The following EGLN1 variants were observed in gnomAD, a reference collection of about 807,000 sequenced individuals.
The protein encoded by EGLN1 is egl nine homolog 1.
Under a neutral mutation model 38.3 loss-of-function variants are expected in EGLN1, and 17 were observed. That is an observed-to-expected ratio of 0.44 (90% CI 0.30 to 0.67). The LOEUF is 0.67. EGLN1 is among the 30% of genes least tolerant of loss of function. The probability of loss-of-function intolerance (pLI) is 0.08; values close to 1 mark genes in which losing one functional copy is unlikely to be tolerated. For missense variants in EGLN1, 477 were observed against 603.3 expected, an observed-to-expected ratio of 0.79 and a Z score of 2.19; for synonymous variants, 283 against 257.5, an observed-to-expected ratio of 1.10 and a Z score of -0.95.
chr1:231,366,841 T>A (rs966932143), intron 4 of EGLN1, among the ~76,000 whole-genome samples: 1 of 152,236 alleles, frequency 6.6e-6, no homozygotes, highest in African/African-American at 2.4e-5. Flanking sequence ...CATTTTTATG[T>A]AAGGTCGACG....
In EGLN1 at chr1:231,392,807, C is replaced by G. The variant is rs534365652; in HGVS notation, c.892-18708G>C. On this transcript the variant is annotated intron_variant, in intron 1 of 4. Coordinates refer to ENST00000366641, the MANE Select transcript of EGLN1 (RefSeq NM_022051.3). ...AGCAGTCACAGGTGAGATTTTTCAT[C>G]CCTGTCCACGTGTGGACAAGCAGCT... 5.9e-5 allele frequency among the ~76,000 whole-genome samples: 9 copies of G among 152,320 alleles called. No homozygotes were observed. In the South Asian group the frequency reaches 1.9e-3, roughly 32 times the overall value.
chr1:231,401,090 A>G (rs763478213), intron 1 of EGLN1, among the ~76,000 whole-genome samples: 3 of 152,116 alleles, frequency 2.0e-5, no homozygotes, highest in Non-Finnish European at 4.4e-5. Flanking sequence ...TCTGTAATGC[A>G]TACAGTGAGA....
At chr1:231,419,182 CCTG>C (rs1228965733) in intron 1 of EGLN1, among the ~76,000 whole-genome samples, 1 of 152,136 alleles carries the variant, frequency 6.6e-6, no homozygotes, top group Non-Finnish European at 1.5e-5. Context: ...TCCCTTATTA[CCTG>C]CTAATATGTA....
chr1:231,415,856 T>TC (rs1028493705), intron 1 of EGLN1, among the ~76,000 whole-genome samples: 11 of 151,800 alleles, frequency 7.2e-5, no homozygotes, highest in Non-Finnish European at 1.2e-4. Context: ...TCTTTCTTTT[T>TC]TTTTTTTTTG....
intron 1 of EGLN1, among the ~76,000 whole-genome samples, chr1:231,382,125 A>G (rs987014283): frequency 1.3e-5 from 2 of 152,248 alleles, no homozygotes; most frequent in Non-Finnish European, 2.9e-5. Context: ...GCTGCTTGAC[A>G]TTACAAACAT....
chr1:231,370,477 CATT>C, intron 3 of EGLN1, 82 bp downstream of exon 3: 1 of 1,428,010 alleles, frequency 7.0e-7, no homozygotes, highest in Non-Finnish European at 9.9e-7. Flanking sequence ...GGAAAATACT[CATT>C]AGAAAGCTTT....
At chr1:231,404,273 C>T (rs1369569711) in intron 1 of EGLN1, among the ~76,000 whole-genome samples, 1 of 152,052 alleles carries the variant, frequency 6.6e-6, no homozygotes, top group Non-Finnish European at 1.5e-5. Flanking sequence ...CAAAGTAATT[C>T]TACATATTTT....
intron 1 of EGLN1, among the ~76,000 whole-genome samples, chr1:231,391,780 C>T (rs181909267): frequency 4.0e-4 from 60 of 151,726 alleles, no homozygotes; most frequent in East Asian, 5.8e-4. Flanking sequence ...TATAAAAAAG[C>T]GTTTATAGAA....
At chr1:231,408,798 T>C (rs1423081092) in intron 1 of EGLN1, among the ~76,000 whole-genome samples, 2 of 152,084 alleles carry the variant, frequency 1.3e-5, no homozygotes, top group Non-Finnish European at 2.9e-5. Flanking sequence ...GACAAAGTTG[T>C]AGCTCTGCTT....
chr1:231,397,794 C>T (rs73119697), intron 1 of EGLN1, among the ~76,000 whole-genome samples: 2 of 152,160 alleles, frequency 1.3e-5, no homozygotes, highest in African/African-American at 4.8e-5. Context: ...AAAGCTGATA[C>T]AGAATGCACC....
chr1:231,395,494 A>G (rs916411301), intron 1 of EGLN1, among the ~76,000 whole-genome samples: 4 of 152,204 alleles, frequency 2.6e-5, no homozygotes, highest in Admixed American at 2.6e-4. Context: ...CTCTGGACTC[A>G]GATTGAACAC....
intron 1 of EGLN1, among the ~76,000 whole-genome samples, chr1:231,411,754 T>A (rs968449740): frequency 6.6e-6 from 1 of 151,948 alleles, no homozygotes; most frequent in African/African-American, 2.4e-5. Flanking sequence ...ATCCCAGCAC[T>A]TTGGGAGGCC....
At chr1:231,418,765 G>A (rs1656434365) in intron 1 of EGLN1, among the ~76,000 whole-genome samples, 1 of 151,564 alleles carries the variant, frequency 6.6e-6, no homozygotes. Flanking sequence ...CGGAAGCTGA[G>A]ATGGCAGGAT....
intron 1 of EGLN1, among the ~76,000 whole-genome samples, chr1:231,414,334 A>G (rs1403957182): frequency 6.6e-6 from 1 of 152,248 alleles, no homozygotes; most frequent in African/African-American, 2.4e-5. Flanking sequence ...AAAAACAACT[A>G]AGCTGACAAC....
At chr1:231,369,268 GCAC>G (rs1687750812) in intron 3 of EGLN1, among the ~76,000 whole-genome samples, 1 of 152,088 alleles carries the variant, frequency 6.6e-6, no homozygotes, top group Non-Finnish European at 1.5e-5. Flanking sequence ...CTCCAATGTA[GCAC>G]CACCTTCGTT....
chr1:231,414,733 CTTTTTTTTT>C (rs71179779), intron 1 of EGLN1, among the ~76,000 whole-genome samples: 1 of 129,536 alleles, frequency 7.7e-6, no homozygotes, highest in Non-Finnish European at 1.6e-5. Flanking sequence ...AATCCCAGCA[CTTTTTTTTT>C]TTTTTTTTTG....
At chr1:231,383,523 G>T (rs1172228649) in intron 1 of EGLN1, among the ~76,000 whole-genome samples, 1 of 152,184 alleles carries the variant, frequency 6.6e-6, no homozygotes, top group East Asian at 1.9e-4. Flanking sequence ...AATTTTGAAA[G>T]ACAAAAATAG....
Position 231,422,102 on chromosome 1 carries a change from A to G in EGLN1, c.-214T>C, listed in dbSNP as rs1245695768. On this transcript the variant is annotated 5_prime_UTR_variant, in exon 1 of 5. It removes the in-frame stop codon of an upstream open reading frame in the 5' UTR. Coordinates refer to ENST00000366641, the MANE Select transcript of EGLN1 (RefSeq NM_022051.3). ...CCGGCGCAGCGCCGGCAGCCGCCTC[A>G]GCGCCTCATCGCCGCCGAGGGCTGA... The G allele has an allele frequency of 2.4e-6, 1 of 411,628 alleles. No homozygotes were observed. Among genetic ancestry groups the G allele is most frequent in the Non-Finnish European group, 4.2e-6 (1 of 240,442 alleles). The allele number at this position is 411,628 out of a possible 1,614,324, so 25.5% of individuals were successfully genotyped here. A position where few individuals can be genotyped will look rare whatever the true frequency, so the allele number is the denominator to read the frequency against.
Position 231,413,243 on chromosome 1 carries a change from T to C in EGLN1, c.891+7755A>G, listed in dbSNP as rs144800156. On this transcript the variant is annotated intron_variant, in intron 1 of 4. Coordinates refer to ENST00000366641, the MANE Select transcript of EGLN1 (RefSeq NM_022051.3). ...GGCGGATGTCATCACGCCTGGCTAATTTTTGTATTTTTAGTAGAGGTGAGG... is the reference window on the plus strand; with the variant it reads ...GGCGGATGTCATCACGCCTGGCTAACTTTTGTATTTTTAGTAGAGGTGAGG... 7.8e-4 allele frequency among the ~76,000 whole-genome samples: 118 copies of C among 152,172 alleles called. 1 individual carries two copies. The East Asian group carries it at 0.022, about 28-fold the overall frequency.
Sources: gnomAD v4.1 joint callset for allele counts (sites outside exome capture counted in the v4.1 genomes callset) on GRCh38, gnomAD v4.1.1 for gene constraint, MANE v1.5 for transcripts, NCBI Gene and HGNC (gene_info 2026-07-23, HGNC 2026-07-21) for gene names.